The following SLC26A5 variants were observed in gnomAD, a reference collection of about 807,000 sequenced individuals.
The protein encoded by SLC26A5 is solute carrier family 26 member 5, also known as prestin.
Under a neutral mutation model 81.0 loss-of-function variants are expected in SLC26A5, and 51 were observed. The observed-to-expected ratio is 0.63, with a 90% CI of 0.50 to 0.80. The LOEUF is 0.80. Among genes scored for constraint, SLC26A5 ranks in the 30% least tolerant of loss-of-function variants. The pLI is 0.00. For synonymous variants in SLC26A5, 325 were observed against 332.8 expected, an observed-to-expected ratio of 0.98 and a Z score of 0.25; for missense variants, 771 against 905.8, an observed-to-expected ratio of 0.85 and a Z score of 1.91.
rs531591284 is a variant in SLC26A5 at position 103,409,943 on chromosome 7, G to A, written c.735+442C>T. 5.3e-4 allele frequency among the ~76,000 whole-genome samples: 81 copies of A among 152,186 alleles called. 2 individuals carry two copies. The highest frequency in any genetic ancestry group is 3.5e-3 in the Admixed American group (54 of 15,276). On this transcript the variant is annotated intron_variant, in intron 7 of 19. Coordinates refer to ENST00000306312, the MANE Select transcript of SLC26A5 (RefSeq NM_198999.3). ...AGGATAGTCTCGATCTCCTGACCTC[G>A]TGATCCGCCCATCTAGCCCTTTCAA...
At chr7:103,422,811 A>G (rs773272921) in intron 2 of SLC26A5, among the ~76,000 whole-genome samples, 15 of 152,174 alleles carry the variant, frequency 9.9e-5, no homozygotes, top group Non-Finnish European at 2.2e-4. Flanking sequence ...AGTATTCCCA[A>G]ATGAAGGAAG....
rs1819865271 is a variant in SLC26A5 at position 103,353,780 on chromosome 7, A to G, written c.2042-854T>C. 9.9e-6 allele frequency: 7 copies of G among 707,638 alleles called. 1 individual carries two copies. Among genetic ancestry groups the G allele is most frequent in the South Asian group, 8.8e-5 (5 of 56,890 alleles). The allele number at this position is 707,638 out of a possible 1,614,324, so 43.8% of individuals were successfully genotyped here. On this transcript the variant is annotated intron_variant, in intron 19 of 19. Coordinates refer to the SLC26A5 transcript ENST00000339444. ...GAGTCCAGGAACTATTTGATTGAAT[A>G]TGTATCATCATAATCTTGCTTGATT...
chr7:103,373,085 T>C (rs1821124555), downstream of SLC26A5, among the ~76,000 whole-genome samples: 1 of 152,058 alleles, frequency 6.6e-6, no homozygotes, highest in African/African-American at 2.4e-5. Flanking sequence ...ATGAAAGAAC[T>C]AGACAACCAA....
At chr7:103,429,273 C>T (rs891226822) in intron 2 of SLC26A5, among the ~76,000 whole-genome samples, 4 of 152,182 alleles carry the variant, frequency 2.6e-5, no homozygotes, top group African/African-American at 9.7e-5. Flanking sequence ...CATCCATCTA[C>T]TCAAAATAAT....
intron 14 of SLC26A5, among the ~76,000 whole-genome samples, chr7:103,381,084 A>G (rs1328916087): frequency 6.6e-6 from 1 of 151,468 alleles, no homozygotes; most frequent in African/African-American, 2.4e-5. Context: ...TACACTACAT[A>G]CCACACATAT....
At chr7:103,436,446 T>G (rs1230003893) in intron 2 of SLC26A5, among the ~76,000 whole-genome samples, 1 of 152,152 alleles carries the variant, frequency 6.6e-6, no homozygotes, top group Non-Finnish European at 1.5e-5. Context: ...AAACTACCAA[T>G]TAAACGTATC....
intron 14 of SLC26A5, 45 bp downstream of exon 14, chr7:103,388,963 C>T (rs1211127311): frequency 7.1e-7 from 1 of 1,405,716 alleles, no homozygotes; most frequent in African/African-American, 1.4e-5. Flanking sequence ...TCAACATTGT[C>T]ATCTCTGCCG....
intron 2 of SLC26A5, among the ~76,000 whole-genome samples, chr7:103,438,185 T>TA (rs1299916938): frequency 2.0e-5 from 3 of 151,792 alleles, no homozygotes; most frequent in African/African-American, 4.8e-5. Flanking sequence ...CTGTATATTT[T>TA]AAAAAAAACT....
At chr7:103,431,996 A>G (rs1267620428) in intron 2 of SLC26A5, among the ~76,000 whole-genome samples, 1 of 152,150 alleles carries the variant, frequency 6.6e-6, no homozygotes, top group African/African-American at 2.4e-5. Context: ...GTTCACTGCA[A>G]CTTCCACTTC....
At chr7:103,429,386 G>A (rs1237964083) in intron 2 of SLC26A5, among the ~76,000 whole-genome samples, 1 of 152,040 alleles carries the variant, frequency 6.6e-6, no homozygotes, top group Non-Finnish European at 1.5e-5. Context: ...TTCTCTATGG[G>A]CCTCAATATA....
At chr7:103,432,529 A>G (rs1826156177) in intron 2 of SLC26A5, among the ~76,000 whole-genome samples, 1 of 152,196 alleles carries the variant, frequency 6.6e-6, no homozygotes, top group Non-Finnish European at 1.5e-5. Context: ...TTTAAAGCCT[A>G]TATTTTTCAT....
rs1404504920 is a variant in SLC26A5 at position 103,376,859 on chromosome 7, C to T, written c.1990G>A (p.Val664Ile). 2 of 1,594,794 alleles carry T rather than the reference C, an allele frequency of 1.3e-6. No individual in the cohort carries two copies. The highest frequency in any genetic ancestry group is 1.7e-6 in the Non-Finnish European group (2 of 1,162,992). ...SVGVKTLAGI[V>I]KEYGDVGIYV... ...ATACCGACGTCTCCATATTCTTTTA[C>T]AATCTGTAATAATGTTGAAATAAAA... The change falls in exon 19 of 20, where the codon GTA (valine) becomes ATA (isoleucine). Residue 664 changes from valine (V) to isoleucine (I), a missense_variant. Physicochemically the swap from Val to Ile is conservative, Grantham distance 29. Transcript: ENST00000306312.
intron 14 of SLC26A5, among the ~76,000 whole-genome samples, chr7:103,381,875 TACAC>T (rs1366958085): frequency 5.4e-5 from 8 of 149,036 alleles, no homozygotes; most frequent in African/African-American, 1.5e-4. Context: ...ACACACATAA[TACAC>T]ATACATACAC....
At chr7:103,395,411 C>T (rs1481863630) in intron 9 of SLC26A5, among the ~76,000 whole-genome samples, 1 of 119,890 alleles carries the variant, frequency 8.3e-6, no homozygotes, top group African/African-American at 3.3e-5. Flanking sequence ...GAGTACAATG[C>T]AATAGGGAAA....
intron 12 of SLC26A5, among the ~76,000 whole-genome samples, 162 bp from the exon 13 acceptor site, chr7:103,389,586 G>A (rs1294581945): frequency 6.6e-6 from 1 of 152,100 alleles, no homozygotes; most frequent in Non-Finnish European, 1.5e-5. Context: ...GGATTTTCAG[G>A]ACCTGGTTAG....
intron 19 of SLC26A5, chr7:103,362,022 C>A: frequency 6.2e-7 from 1 of 1,613,702 alleles, no homozygotes; most frequent in Non-Finnish European, 8.5e-7. Context: ...AAGCAGTTTG[C>A]CAAGTTTGTG....
chr7:103,366,438 C>T (rs1162733716), intron 19 of SLC26A5, among the ~76,000 whole-genome samples: 3 of 152,122 alleles, frequency 2.0e-5, no homozygotes, highest in East Asian at 3.8e-4. Context: ...TTGGAATTCA[C>T]ATATTTTGGA....
intron 19 of SLC26A5, among the ~76,000 whole-genome samples, chr7:103,361,051 T>C (rs1820359915): frequency 6.6e-6 from 1 of 150,808 alleles, no homozygotes; most frequent in Admixed American, 6.6e-5. Context: ...GAGGCGGAGA[T>C]TGTAATGAGC....
intron 8 of SLC26A5, among the ~76,000 whole-genome samples, chr7:103,401,970 G>T (rs1319326180): frequency 6.6e-6 from 1 of 152,210 alleles, no homozygotes; most frequent in Admixed American, 6.5e-5. Flanking sequence ...GTATTTTATT[G>T]AGGATTTTCG....
Sources: allele counts gnomAD v4.1 joint callset (sites outside exome capture counted in the v4.1 genomes callset), GRCh38; gene constraint gnomAD v4.1.1; transcripts MANE v1.5; gene names NCBI Gene and HGNC (gene_info 2026-07-23, HGNC 2026-07-21).